Variants in PPAT observed in about 807,000 individuals in gnomAD.
The protein encoded by PPAT is phosphoribosyl pyrophosphate amidotransferase, also known as amidophosphoribosyltransferase.
In PPAT, 20 loss-of-function variants were observed where a neutral mutation model predicts 60.2. That is an observed-to-expected ratio of 0.33 (90% CI 0.23 to 0.48). The LOEUF is 0.48. Among genes scored for constraint, PPAT ranks in the 20% least tolerant of loss-of-function variants. The probability of loss-of-function intolerance (pLI) is 0.99; values close to 1 mark genes in which losing one functional copy is unlikely to be tolerated. For synonymous variants in PPAT, 194 were observed against 215.1 expected (o/e 0.90, Z 0.86); for missense variants, 349 against 629.6 (o/e 0.55, Z 4.77).
chr4:56,410,615 C>G lies in PPAT; in HGVS notation c.129-2899G>C, dbSNP rs1165848677. 3.0e-6 allele frequency: 3 copies of G among 985,636 alleles called. No homozygotes were observed. In the East Asian group the frequency reaches 3.4e-4, roughly 112 times the overall value. The allele number at this position is 985,636 out of a possible 1,614,324, so 61.1% of individuals were successfully genotyped here. A position where few individuals can be genotyped will look rare whatever the true frequency, so the allele number is the denominator to read the frequency against. On this transcript the variant is annotated intron_variant, in intron 1 of 10. Coordinates refer to ENST00000264220, the MANE Select transcript of PPAT (RefSeq NM_002703.5). ...TATACGAAAACAACTTTATGGAACA[C>G]TAAGAAATAAAGGAATATTTATTTA...
chr4:56,417,420 A>G (rs1163332812), intron 1 of PPAT, among the ~76,000 whole-genome samples: 2 of 152,192 alleles, frequency 1.3e-5, no homozygotes, highest in Non-Finnish European at 2.9e-5. Context: ...ATTAATTGTA[A>G]TATCATTTGT....
At chr4:56,432,838 A>G (rs1448440694) in intron 1 of PPAT, among the ~76,000 whole-genome samples, 2 of 151,482 alleles carry the variant, frequency 1.3e-5, no homozygotes, top group African/African-American at 4.8e-5. Context: ...AAATTCCTTC[A>G]TCAAAAAGGA....
chr4:56,417,842 G>GTTTTTTTTT (rs35004501), intron 1 of PPAT, among the ~76,000 whole-genome samples: 1 of 136,168 alleles, frequency 7.3e-6, no homozygotes. Context: ...TTGGTTTTTT[G>GTTTTTTTTT]TTTTTTTTTT....
At chr4:56,410,796 T>C in intron 1 of PPAT, 4 of 985,126 alleles carry the variant, frequency 4.1e-6, no homozygotes, top group Non-Finnish European at 4.8e-6. Flanking sequence ...GATTTGGATG[T>C]AATCCTGCAG....
chr4:56,428,282 T>C (rs1717398339), intron 1 of PPAT, among the ~76,000 whole-genome samples: 1 of 152,134 alleles, frequency 6.6e-6, no homozygotes, highest in Admixed American at 6.6e-5. Context: ...CATTTACAGA[T>C]TATAACAGTG....
rs151137367 is a variant in PPAT at position 56,432,246 on chromosome 4, G to T, written c.128+3104C>A. ...ATTCCATCTTCTTAAAGATAAGGTT[G>T]GCCAGGCATGGTGGCTCACGCCTGT... is the stretch of plus-strand genomic sequence containing the variant. On this transcript the variant is annotated intron_variant, in intron 1 of 10. Coordinates refer to ENST00000264220, the MANE Select transcript of PPAT (RefSeq NM_002703.5). Among the ~76,000 whole-genome samples, 190 of 152,242 alleles carry T rather than the reference G, an allele frequency of 1.2e-3. 1 individual carries two copies. Among genetic ancestry groups the T allele is most frequent in the African/African-American group, 3.9e-3 (162 of 41,544 alleles).
At chr4:56,434,459 T>A (rs1226104384) in intron 1 of PPAT, among the ~76,000 whole-genome samples, 1 of 152,208 alleles carries the variant, frequency 6.6e-6, no homozygotes, top group African/African-American at 2.4e-5. Context: ...GTTTTTCTTA[T>A]CCTAGTGTAA....
At chr4:56,435,221 G>A in intron 1 of PPAT, 129 bp downstream of exon 1, 1 of 1,360,954 alleles carries the variant, frequency 7.3e-7, no homozygotes, top group Admixed American at 2.0e-5. Context: ...GACGCCACAG[G>A]CAGGTACTGG....
At chr4:56,419,598 T>C (rs1716939012) in intron 1 of PPAT, 2 of 870,942 alleles carry the variant, frequency 2.3e-6, no homozygotes, top group African/African-American at 3.6e-5. Flanking sequence ...ATCTTTTACC[T>C]CTCTACCTAA....
At chr4:56,407,837 C>T in intron 1 of PPAT, 121 bp from the exon 2 acceptor site, 3 of 721,796 alleles carry the variant, frequency 4.2e-6, no homozygotes, top group East Asian at 2.6e-5. Context: ...ACATTAAATG[C>T]TACTTGTACT....
intron 1 of PPAT, among the ~76,000 whole-genome samples, chr4:56,418,997 C>T (rs1401908): frequency 0.37 from 55,625 of 151,968 alleles, 10,675 homozygotes; most frequent in Non-Finnish European, 0.44. Flanking sequence ...TTTCGCAAGG[C>T]GTAAGCACTG....
chr4:56,399,447 A>T, intron 8 of PPAT, 47 bp from the exon 9 acceptor site: 1 of 1,374,906 alleles, frequency 7.3e-7, no homozygotes, highest in South Asian at 1.3e-5. Context: ...TATACAGAAT[A>T]GGCAAATATT....
Position 56,395,497 on chromosome 4 carries a change from T to G in PPAT, c.1409A>C (p.Gln470Pro). The change falls in exon 11 of 11, where the codon CAA (glutamine) becomes CCA (proline). Residue 470 changes from glutamine to proline, a missense_variant. Coordinates refer to ENST00000264220, the MANE Select transcript of PPAT (RefSeq NM_002703.5). ...LSVEGLVSSV[Q>P]EGIKFKKQKE... ...CTGTTTTTTAAACTTTATCCCTTCT[T>G]GTACAGATGAAACCAGTCCTTCTAC... is the stretch of plus-strand genomic sequence containing the variant. 1 of 1,610,346 alleles carries G rather than the reference T, an allele frequency of 6.2e-7. No individual in the cohort carries two copies. Among genetic ancestry groups the G allele is most frequent in the Non-Finnish European group, 8.5e-7 (1 of 1,178,486 alleles).
rs1715882615 is a variant in PPAT at position 56,393,582 on chromosome 4, AG to A, written c.*1769del. ...GAATTCAGACTTCAGAAAATTGTGA[AG>A]TAAAAGGCCATGATGGAGAAATATT... On this transcript the variant is annotated 3_prime_UTR_variant, in exon 11 of 11. Coordinates refer to ENST00000264220, the MANE Select transcript of PPAT (RefSeq NM_002703.5). 1 of 152,648 alleles carries A rather than the reference AG, an allele frequency of 6.6e-6. No individual in the cohort carries two copies. The highest frequency in any genetic ancestry group is 1.5e-5 in the Non-Finnish European group (1 of 68,050). 9.5% of individuals were successfully genotyped at this position (152,648 alleles called of 1,614,324 possible).
intron 9 of PPAT, among the ~76,000 whole-genome samples, chr4:56,397,388 G>C (rs570535060): frequency 6.6e-6 from 1 of 152,114 alleles, no homozygotes; most frequent in Non-Finnish European, 1.5e-5. Flanking sequence ...GAATTCCAGA[G>C]TAAGATGATC....
In PPAT at chr4:56,396,189, T is replaced by A. The variant is rs1715963612; in HGVS notation, c.1357+430A>T. On this transcript the variant is annotated intron_variant, in intron 10 of 10. Coordinates refer to ENST00000264220, the MANE Select transcript of PPAT (RefSeq NM_002703.5). The surrounding 1 kb of genome is among the most constrained non-coding windows in gnomAD (Gnocchi z 4.6). ...ATCACCTGATTTTGAAAGGAAGATGTCTTACCCAGGATAACTTAGATCTCG... is the reference window on the plus strand; with the variant it reads ...ATCACCTGATTTTGAAAGGAAGATGACTTACCCAGGATAACTTAGATCTCG... 1 of 153,470 alleles carries A rather than the reference T, an allele frequency of 6.5e-6. No homozygotes were observed. The highest frequency in any genetic ancestry group is 2.4e-5 in the African/African-American group (1 of 41,440). 9.5% of individuals were successfully genotyped at this position (153,470 alleles called of 1,614,324 possible).
At chr4:56,431,490 T>C in intron 1 of PPAT, 2 of 978,494 alleles carry the variant, frequency 2.0e-6, no homozygotes, top group Non-Finnish European at 2.4e-6. Context: ...CAAAGCGTAA[T>C]AACAGAACCA....
chr4:56,427,661 T>A (rs899244293), intron 1 of PPAT, among the ~76,000 whole-genome samples: 14 of 134,038 alleles, frequency 1.0e-4, no homozygotes, highest in Non-Finnish European at 1.6e-4. Flanking sequence ...AAAAAAAAAA[T>A]TCATAAGGCT....
chr4:56,420,671 A>G (rs904719167), intron 1 of PPAT: 1 of 152,238 alleles, frequency 6.6e-6, no homozygotes, highest in African/African-American at 2.4e-5. Flanking sequence ...CAGAAGTTAA[A>G]GTAAATTTTC....
Sources: gnomAD v4.1 joint callset for allele counts (sites outside exome capture counted in the v4.1 genomes callset) on GRCh38, gnomAD v4.1.1 for gene constraint, Gnocchi (gnomAD v3.1) non-coding constraint, MANE v1.5 for transcripts, NCBI Gene and HGNC (gene_info 2026-07-23, HGNC 2026-07-21) for gene names.